ACSS3: variants seen among roughly 807,000 people sequenced by gnomAD.
ACSS3 encodes the protein acyl-CoA synthetase short chain family member 3, also known as acyl-CoA synthetase short-chain family member 3, mitochondrial.
ACSS3 carries 64 observed loss-of-function variants against 84.2 expected under a neutral mutation model. The observed-to-expected ratio is 0.76, with a 90% confidence interval of 0.62 to 0.94. The LOEUF is 0.94. ACSS3 is among the 40% of genes least tolerant of loss of function. The pLI, the probability that ACSS3 is intolerant of heterozygous loss-of-function variation, is 0.00. For missense variants in ACSS3, 815 were observed against 867.6 expected (o/e 0.94, Z 0.76); for synonymous variants, 317 against 310.1 (o/e 1.02, Z -0.23).
chr12:81,226,919 A>G (rs767807074), intron 11 of ACSS3, among the ~76,000 whole-genome samples: 1 of 151,706 alleles, frequency 6.6e-6, no homozygotes, highest in Non-Finnish European at 1.5e-5. Context: ...AACATGTCCC[A>G]TTGTACTAGT....
chr12:81,137,388 G>T (rs1307291790), intron 3 of ACSS3, among the ~76,000 whole-genome samples: 1 of 150,936 alleles, frequency 6.6e-6, no homozygotes, highest in Non-Finnish European at 1.5e-5. Context: ...TTGTTAAGGG[G>T]TTTATGCAAT....
intron 4 of ACSS3, among the ~76,000 whole-genome samples, chr12:81,140,902 C>T (rs1287898204): frequency 6.6e-6 from 1 of 152,126 alleles, no homozygotes; most frequent in African/African-American, 2.4e-5. Flanking sequence ...AGGCCCAATG[C>T]TAAGTACTTC....
intron 2 of ACSS3, among the ~76,000 whole-genome samples, chr12:81,130,617 A>G (rs928189379): frequency 1.3e-5 from 2 of 152,118 alleles, no homozygotes; most frequent in Admixed American, 6.5e-5. Flanking sequence ...GCTATGCAGA[A>G]GCTCTTTAGT....
At chr12:81,235,309 T>G (rs1264984774) in intron 13 of ACSS3, among the ~76,000 whole-genome samples, 3 of 151,214 alleles carry the variant, frequency 2.0e-5, no homozygotes, top group Admixed American at 6.6e-5. Context: ...TGGAAAATAT[T>G]TAATAGATTT....
intron 3 of ACSS3, among the ~76,000 whole-genome samples, chr12:81,135,925 C>T (rs1885775752): frequency 6.6e-6 from 1 of 152,088 alleles, no homozygotes; most frequent in Non-Finnish European, 1.5e-5. Context: ...CTTAGCTTGT[C>T]ATATATTTGG....
intron 1 of ACSS3, among the ~76,000 whole-genome samples, chr12:81,093,858 G>A (rs1045527182): frequency 6.6e-6 from 1 of 151,926 alleles, no homozygotes; most frequent in Non-Finnish European, 1.5e-5. Context: ...AAGAATCTAT[G>A]TCTGTCAATC....
intron 5 of ACSS3, among the ~76,000 whole-genome samples, chr12:81,148,732 A>G (rs1285737504): frequency 6.6e-6 from 1 of 151,914 alleles, no homozygotes; most frequent in Non-Finnish European, 1.5e-5. Context: ...ATATGAGATC[A>G]TCTAGTGACT....
chr12:81,201,429 T>C (rs1216361379), intron 9 of ACSS3, among the ~76,000 whole-genome samples: 1 of 152,216 alleles, frequency 6.6e-6, no homozygotes, highest in Non-Finnish European at 1.5e-5. Flanking sequence ...CAAATAAAAT[T>C]ATAAAATTCT....
Position 81,256,932 on chromosome 12 carries a change from T to G in ACSS3, c.*2010T>G, listed in dbSNP as rs2034321029. 1.3e-5 allele frequency: 2 copies of G among 152,332 alleles called. No individual in the cohort carries two copies. Among genetic ancestry groups the G allele is most frequent in the Admixed American group, 1.3e-4 (2 of 15,292 alleles). The allele number at this position is 152,332 out of a possible 1,614,324, so 9.4% of individuals were successfully genotyped here. On this transcript the variant is annotated 3_prime_UTR_variant, in exon 16 of 16. Transcript: ENST00000548058. Reference sequence around the variant, plus strand: ...TCTTTCATTGGTACGTTTTATCCATTGTCACAACTGTGGTCTTCATTAATA... The same window carrying G: ...TCTTTCATTGGTACGTTTTATCCATGGTCACAACTGTGGTCTTCATTAATA...
chr12:81,109,158 A>G (rs1246035121), intron 1 of ACSS3, among the ~76,000 whole-genome samples: 1 of 152,196 alleles, frequency 6.6e-6, no homozygotes, highest in Non-Finnish European at 1.5e-5. Flanking sequence ...TGCAGCAGGT[A>G]CCAAAACTTC....
Position 81,179,214 on chromosome 12 carries a change from C to A in ACSS3, c.1250+4275C>A, listed in dbSNP as rs200022929. ...TCCTAGAAGAATTTATACAAAATAGCATTCTGGACATAGGCCCTGGCAAAG... is the reference window on the plus strand; with the variant it reads ...TCCTAGAAGAATTTATACAAAATAGAATTCTGGACATAGGCCCTGGCAAAG... On this transcript the variant is annotated intron_variant, in intron 8 of 15. Coordinates refer to ENST00000548058, the MANE Select transcript of ACSS3 (RefSeq NM_024560.4). Among the ~76,000 whole-genome samples, 5 of 138,816 alleles carry A rather than the reference C, an allele frequency of 3.6e-5. No homozygotes were observed. In the East Asian group the frequency reaches 1.1e-3, roughly 30 times the overall value. 91.1% of individuals were successfully genotyped at this position (138,816 alleles called of 152,430 possible).
chr12:81,226,964 TACACACAC>T (rs34439721), intron 11 of ACSS3, among the ~76,000 whole-genome samples: 2 of 148,918 alleles, frequency 1.3e-5, no homozygotes, highest in South Asian at 2.1e-4. Context: ...CAATAGGATT[TACACACAC>T]ACACACACAC....
intron 2 of ACSS3, among the ~76,000 whole-genome samples, chr12:81,130,977 A>G (rs1442214972): frequency 1.3e-5 from 2 of 152,038 alleles, no homozygotes; most frequent in African/African-American, 2.4e-5. Flanking sequence ...GTTCTGTTCA[A>G]TTGGTCTATA....
chr12:81,182,886 T>C (rs1466002497), intron 8 of ACSS3, among the ~76,000 whole-genome samples: 1 of 152,138 alleles, frequency 6.6e-6, no homozygotes, highest in African/African-American at 2.4e-5. Context: ...ACCTAAATGC[T>C]TGTCAAATGC....
intron 8 of ACSS3, among the ~76,000 whole-genome samples, chr12:81,178,784 A>G (rs2030687102): frequency 6.6e-6 from 1 of 152,198 alleles, no homozygotes. Flanking sequence ...TCACAGAAGT[A>G]GAAAAAAACT....
intron 8 of ACSS3, among the ~76,000 whole-genome samples, chr12:81,197,859 A>G (rs931057497): frequency 1.1e-4 from 17 of 151,810 alleles, no homozygotes; most frequent in South Asian, 2.1e-4. Flanking sequence ...TTGCCTTCCT[A>G]TAATTCCTGC....
chr12:81,246,314 G>A (rs569268796), intron 13 of ACSS3, among the ~76,000 whole-genome samples: 4 of 152,078 alleles, frequency 2.6e-5, no homozygotes, highest in Non-Finnish European at 5.9e-5. Flanking sequence ...CTGCTTCTTC[G>A]TTGTCACTTA....
intron 11 of ACSS3, 34 bp downstream of exon 11, chr12:81,220,110 G>C (rs372305193): frequency 1.9e-4 from 264 of 1,370,874 alleles, no homozygotes; most frequent in Middle Eastern, 1.1e-3. Context: ...TATATTAAAG[G>C]GCAAAAACTG....
At chr12:81,094,739 G>A (rs543704668) in intron 1 of ACSS3, 2 of 152,226 alleles carry the variant, frequency 1.3e-5, no homozygotes, top group Admixed American at 1.3e-4. Context: ...TAAGCTGAAA[G>A]AGAAAGAAAT....
Sources: allele counts gnomAD v4.1 joint callset (sites outside exome capture counted in the v4.1 genomes callset), GRCh38; gene constraint gnomAD v4.1.1; transcripts MANE v1.5; gene names NCBI Gene and HGNC (gene_info 2026-07-23, HGNC 2026-07-21).